The following CFAP20DC variants were observed in gnomAD, a reference collection of about 807,000 sequenced individuals.
The protein encoded by CFAP20DC is CFAP20 domain containing.
A neutral mutation model predicts 101.7 loss-of-function variants in CFAP20DC; 84 were observed. The observed-to-expected ratio is 0.83, with a 90% CI of 0.69 to 0.99. The LOEUF is 0.99. CFAP20DC is among the 50% of genes least tolerant of loss of function. CFAP20DC has a pLI of 0.00. For synonymous variants in CFAP20DC, 359 were observed against 351.2 expected (o/e 1.02, Z -0.25); for missense variants, 1,007 against 970.3 (o/e 1.04, Z -0.50).
intron 4 of CFAP20DC, among the ~76,000 whole-genome samples, chr3:58,961,186 A>C (rs1341245241): frequency 6.6e-6 from 1 of 152,206 alleles, no homozygotes; most frequent in Non-Finnish European, 1.5e-5. Context: ...TTTATGAAGA[A>C]TATTAGTCTG....
At chr3:59,039,713 AG>A in intron 3 of CFAP20DC, 84 bp from the exon 4 acceptor site, 2 of 790,958 alleles carry the variant, frequency 2.5e-6, no homozygotes, top group Non-Finnish European at 3.9e-6. Context: ...ACCACGAACA[AG>A]CTGAAGATTT....
chr3:58,807,125 C>A (rs1160579036), intron 14 of CFAP20DC, among the ~76,000 whole-genome samples: 1 of 152,198 alleles, frequency 6.6e-6, no homozygotes, highest in Non-Finnish European at 1.5e-5. Context: ...TCTGTAGGCT[C>A]CACCTCTGGG....
Position 58,936,905 on chromosome 3 carries a change from C to T in CFAP20DC, c.393+743G>A, listed in dbSNP as rs1022650409. 5.3e-5 allele frequency among the ~76,000 whole-genome samples: 8 copies of T among 149,806 alleles called. No individual in the cohort carries two copies. The East Asian group carries it at 1.2e-3, about 22-fold the overall frequency. ...AACCTGCACATTGTGCACACGTACC[C>T]TAAAACTTAAAGTATAATAATAACA... On this transcript the variant is annotated intron_variant, in intron 5 of 16. Transcript: ENST00000482387.
Position 58,945,118 on chromosome 3 carries a change from C to A in CFAP20DC, c.279-7356G>T, listed in dbSNP as rs571529670. Among the ~76,000 whole-genome samples, 52 of 152,254 alleles carry A rather than the reference C, an allele frequency of 3.4e-4. 1 individual carries two copies. Among genetic ancestry groups the A allele is most frequent in the African/African-American group, 1.3e-3 (52 of 41,554 alleles). On this transcript the variant is annotated intron_variant, in intron 4 of 16. Coordinates refer to ENST00000482387, the MANE Select transcript of CFAP20DC (RefSeq NM_001394063.1). The stretch of plus-strand genomic sequence containing the variant: ...ACAAGATATCTACTATTATTATTAT[C>A]ATCTATTTTACAGATGAGGAATCTA...
rs552314273 is a variant in CFAP20DC at position 58,735,250 on chromosome 3, A to C, written c.198-17622T>G. 4.5e-4 allele frequency among the ~76,000 whole-genome samples: 68 copies of C among 152,358 alleles called. 1 individual carries two copies. The highest frequency in any genetic ancestry group is 1.6e-3 in the African/African-American group (67 of 41,584). On this transcript the variant is annotated intron_variant, in intron 3 of 3. Coordinates refer to the CFAP20DC transcript ENST00000486145. ...TGGAAGCTGAAACCTAGCTATGTTC[A>C]CATAGCATATAATCTGACACCTGGG...
chr3:58,769,160 G>A (rs2070602566), intron 15 of CFAP20DC, among the ~76,000 whole-genome samples: 1 of 152,202 alleles, frequency 6.6e-6, no homozygotes, highest in Non-Finnish European at 1.5e-5. Flanking sequence ...GTAAGCCCGA[G>A]TTAGTCCTAC....
chr3:58,801,654 G>A (rs934501936), intron 15 of CFAP20DC, among the ~76,000 whole-genome samples: 1 of 152,110 alleles, frequency 6.6e-6, no homozygotes, highest in Admixed American at 6.5e-5. Flanking sequence ...TACCACCGTG[G>A]TCAGTCTGGA....
chr3:58,763,860 G>A (rs1181374566), intron 15 of CFAP20DC, among the ~76,000 whole-genome samples: 1 of 152,164 alleles, frequency 6.6e-6, no homozygotes, highest in East Asian at 1.9e-4. Context: ...GTGGATATTG[G>A]TGAACAGCAA....
intron 4 of CFAP20DC, among the ~76,000 whole-genome samples, chr3:59,037,418 C>T (rs2094124035): frequency 6.6e-6 from 1 of 150,612 alleles, no homozygotes; most frequent in South Asian, 2.1e-4. Context: ...CTACCAGGAA[C>T]TTAAACCAAT....
intron 4 of CFAP20DC, among the ~76,000 whole-genome samples, chr3:59,003,335 T>C (rs766769319): frequency 2.0e-5 from 3 of 152,190 alleles, no homozygotes; most frequent in Non-Finnish European, 4.4e-5. Context: ...GCCTAATCTA[T>C]TTAAGAGATT....
At chr3:59,038,515 A>G (rs180825439) in intron 4 of CFAP20DC, among the ~76,000 whole-genome samples, 2 of 152,330 alleles carry the variant, frequency 1.3e-5, no homozygotes, top group East Asian at 1.9e-4. Context: ...TTTGTTACAA[A>G]TTGAAGGTTT....
rs1042058023 is a variant in CFAP20DC, at chr3:59,002,219, T to G, written c.278+37338A>C. Reference sequence around the variant, plus strand: ...TGGAACAAAGGGGAATAAATACCTCTTACTCCCAGTAGTTGAGGATATGAT... The same window carrying G: ...TGGAACAAAGGGGAATAAATACCTCGTACTCCCAGTAGTTGAGGATATGAT... On this transcript the variant is annotated intron_variant, in intron 4 of 16. Coordinates refer to ENST00000482387, the MANE Select transcript of CFAP20DC (RefSeq NM_001394063.1). The surrounding 1 kb of genome is among the most constrained non-coding windows in gnomAD (Gnocchi z 4.5). Among the ~76,000 whole-genome samples the G allele has an allele frequency of 1.3e-5, 2 of 152,138 alleles. No homozygotes were observed. Among genetic ancestry groups the G allele is most frequent in the Non-Finnish European group, 2.9e-5 (2 of 68,032 alleles).
Position 58,849,288 on chromosome 3 carries a change from C to T in CFAP20DC, c.1715G>A (p.Ser572Asn), listed in dbSNP as rs2078011280. The T allele has an allele frequency of 6.5e-7, 1 of 1,536,008 alleles. No homozygotes were observed. ...TGTTGCTCCTGCTTCTGTGTAGGCG[C>T]TCCTTAGATATTCCTTACTTGTCCG... The part of the protein sequence containing the change: ...AKRTSKEYLR[S>N]AYTEAGATES... The change falls in exon 13 of 17, where the codon AGC becomes AAC. Residue 572 changes from serine (S) to asparagine (N), a missense_variant. Physicochemically the swap from Ser to Asn is conservative, Grantham distance 46 (BLOSUM62 1). Coordinates refer to ENST00000482387, the MANE Select transcript of CFAP20DC (RefSeq NM_001394063.1).
chr3:58,870,427 C>T (rs988517682), intron 7 of CFAP20DC, 118 bp from the exon 8 acceptor site: 5 of 934,836 alleles, frequency 5.3e-6, no homozygotes, highest in Admixed American at 3.9e-5. Context: ...CCCCTCCCCC[C>T]TCAGCATGTA....
At chr3:59,005,375 T>C (rs2093410720) in intron 4 of CFAP20DC, among the ~76,000 whole-genome samples, 1 of 152,158 alleles carries the variant, frequency 6.6e-6, no homozygotes, top group Non-Finnish European at 1.5e-5. Flanking sequence ...AAACAATACA[T>C]AATACTTTTA....
chr3:58,827,494 C>G (rs1296775796), intron 14 of CFAP20DC, among the ~76,000 whole-genome samples: 2 of 152,116 alleles, frequency 1.3e-5, no homozygotes, highest in Non-Finnish European at 2.9e-5. Flanking sequence ...AACGAAGGCA[C>G]TAAGAGGAGG....
chr3:58,846,816 G>A (rs1233604350), intron 13 of CFAP20DC, among the ~76,000 whole-genome samples: 5 of 146,410 alleles, frequency 3.4e-5, no homozygotes, highest in East Asian at 2.0e-4. Flanking sequence ...CCAAAACAGA[G>A]ATATAGATCA....
intron 5 of CFAP20DC, among the ~76,000 whole-genome samples, chr3:58,917,061 C>T (rs111893081): frequency 3.3e-5 from 5 of 152,080 alleles, no homozygotes; most frequent in African/African-American, 1.2e-4. Flanking sequence ...AATTATTGGT[C>T]CTTAAGAAGT....
In CFAP20DC at chr3:59,001,095, T is replaced by A; in HGVS notation, c.278+38462A>T. Among the ~76,000 whole-genome samples, 1 of 151,712 alleles carries A rather than the reference T, an allele frequency of 6.6e-6. No homozygotes were observed. Among genetic ancestry groups the A allele is most frequent in the African/African-American group, 2.4e-5 (1 of 41,304 alleles). On this transcript the variant is annotated intron_variant, in intron 4 of 16. Transcript: ENST00000482387. This position sits in a 1 kb window ranked among gnomAD's most constrained non-coding sequence, Gnocchi z 4.5. ...CATATTGGAATTACAGCAGTAAGAG[T>A]TAGTAAAGAGAGCAAATTCAAAGAG...
Sources: allele counts gnomAD v4.1 joint callset (sites outside exome capture counted in the v4.1 genomes callset), GRCh38; gene constraint gnomAD v4.1.1; non-coding constraint Gnocchi (gnomAD v3.1); transcripts MANE v1.5; gene names NCBI Gene and HGNC (gene_info 2026-07-23, HGNC 2026-07-21).